Variants in LTF observed in about 807,000 individuals in gnomAD.
The protein encoded by LTF is epididymis luminal protein 110.
LTF carries 91 observed loss-of-function variants against 87.2 expected under a neutral mutation model. The ratio of observed to expected loss-of-function variants is 1.04; its 90% confidence interval spans 0.88 to 1.24. LTF has a LOEUF of 1.24. LTF is among the 50% of genes most tolerant of loss of function. LTF has a pLI of 0.00. For synonymous variants in LTF, 378 were observed against 356.1 expected (o/e 1.06, Z -0.69); for missense variants, 901 against 904.3 (o/e 1.00, Z 0.05).
At chr3:46,440,473 G>C (rs928818971) in intron 14 of LTF, among the ~76,000 whole-genome samples, 1 of 152,150 alleles carries the variant, frequency 6.6e-6, no homozygotes, top group Non-Finnish European at 1.5e-5. Context: ...TCAGTTAATG[G>C]CTTGTAAATT....
Position 46,456,375 on chromosome 3 carries a change from G to C in LTF, c.231C>G (p.Thr77=), listed in dbSNP as rs1181900368. The change falls in exon 3 of 17, where the codon ACC becomes ACG. Residue 77 remains threonine, a synonymous_variant. Coordinates refer to ENST00000231751, the MANE Select transcript of LTF (RefSeq NM_002343.6). The part of the protein sequence containing the change: ...AIAENRADAV[T]LDGGFIYEAG... ...CCTCGTATATGAAACCACCATCAAG[G>C]GTCACAGCATCGGCCCTGTTTTCCT... The C allele has an allele frequency of 1.9e-6, 3 of 1,614,138 alleles. No homozygotes were observed. Among genetic ancestry groups the C allele is most frequent in the Non-Finnish European group, 8.5e-7 (1 of 1,180,012 alleles).
At chr3:46,445,570 T>C in intron 11 of LTF, 134 bp from the exon 12 acceptor site, 1 of 699,962 alleles carries the variant, frequency 1.4e-6, no homozygotes, top group Non-Finnish European at 2.4e-6. Context: ...CTCAAAGAAC[T>C]GGCCTTTTTA....
upstream of LTF, among the ~76,000 whole-genome samples, chr3:46,466,107 G>T (rs189062491): frequency 2.0e-5 from 3 of 152,192 alleles, no homozygotes; most frequent in Admixed American, 6.5e-5. Flanking sequence ...CAGCATGGTG[G>T]TGTATGCCTA....
chr3:46,482,716 G>GAAAGAAAA (rs1553668644), intron 1 of LTF, among the ~76,000 whole-genome samples: 3 of 89,930 alleles, frequency 3.3e-5, no homozygotes, highest in South Asian at 8.4e-4. Context: ...AAGAAAGAAA[G>GAAAGAAAA]AGAAAGAAAG....
At chr3:46,455,756 C>T in intron 4 of LTF, 40 bp downstream of exon 4, 3 of 1,526,104 alleles carry the variant, frequency 2.0e-6, no homozygotes, top group Non-Finnish European at 2.6e-6. Flanking sequence ...GGAATAGAGC[C>T]CCCTGCCTGA....
intron 1 of LTF, among the ~76,000 whole-genome samples, chr3:46,460,899 T>A (rs550600165): frequency 1.7e-4 from 26 of 152,278 alleles, no homozygotes; most frequent in Non-Finnish European, 3.2e-4. Context: ...CAAAAATTGA[T>A]CATATTTTTG....
chr3:46,445,231 A>C (rs1321083381), intron 12 of LTF, 50 bp downstream of exon 12: 1 of 1,539,722 alleles, frequency 6.5e-7, no homozygotes, highest in Non-Finnish European at 8.8e-7. Flanking sequence ...ACAGCACAAT[A>C]TGCCTACCCT....
intron 1 of LTF, among the ~76,000 whole-genome samples, chr3:46,478,175 A>G (rs1703385719): frequency 3.3e-5 from 5 of 151,672 alleles, no homozygotes; most frequent in African/African-American, 4.9e-5. Flanking sequence ...TGTCTCTCTC[A>G]CCATCATGCC....
chr3:46,451,472 G>T (rs906691562), intron 6 of LTF, among the ~76,000 whole-genome samples: 1 of 152,100 alleles, frequency 6.6e-6, no homozygotes, highest in African/African-American at 2.4e-5. Context: ...GCATTTAATG[G>T]CAGAAAACCA....
chr3:46,449,823 C>T lies in LTF; in HGVS notation c.1057+31G>A, dbSNP rs375031745. 5.5e-5 allele frequency: 88 copies of T among 1,611,576 alleles called. 1 individual carries two copies. In the Middle Eastern group the frequency reaches 8.6e-4, roughly 16 times the overall value. On this transcript the variant is annotated intron_variant, in intron 8 of 16. Transcript: ENST00000231751. Reference sequence around the variant, plus strand: ...CTGGGAAGTAGAAGACCACACCAGGCGGACCTCAGGACCCTCCTGGGCTCA... The same window carrying T: ...CTGGGAAGTAGAAGACCACACCAGGTGGACCTCAGGACCCTCCTGGGCTCA...
chr3:46,441,971 GTGTGTGTGTGTGTGTGTA>G, intron 13 of LTF: 1 of 132,342 alleles, frequency 7.6e-6, no homozygotes, highest in African/African-American at 2.7e-5. Context: ...GTGTGTGTGT[GTGTGTGTGTGTGTGTGTA>G]TGCATGTTGT....
upstream of LTF, among the ~76,000 whole-genome samples, chr3:46,467,930 G>A (rs1284412633): frequency 2.6e-5 from 4 of 152,064 alleles, no homozygotes; most frequent in South Asian, 2.1e-4. Context: ...TCCTGAAGGC[G>A]CCTAAATTTA....
chr3:46,478,547 A>G (rs1362897803), intron 1 of LTF, among the ~76,000 whole-genome samples: 3 of 152,128 alleles, frequency 2.0e-5, no homozygotes, highest in Non-Finnish European at 4.4e-5. Flanking sequence ...ATCACTCCCC[A>G]TCTTCCTGGA....
chr3:46,447,668 G>A (rs1192282595), intron 9 of LTF, among the ~76,000 whole-genome samples: 1 of 152,188 alleles, frequency 6.6e-6, no homozygotes, highest in Non-Finnish European at 1.5e-5. Flanking sequence ...CCTTTTCTGT[G>A]TCCCTGGCAC....
chr3:46,449,646 G>C (rs529423257), intron 8 of LTF, among the ~76,000 whole-genome samples: 1 of 152,292 alleles, frequency 6.6e-6, no homozygotes, highest in Admixed American at 6.5e-5. Context: ...GCCAGGCCTG[G>C]GGAGCCTGAC....
Position 46,455,312 on chromosome 3 carries a change from G to A in LTF, c.630C>T (p.Ser210=), listed in dbSNP as rs1249321288. The A allele has an allele frequency of 6.2e-7, 1 of 1,614,250 alleles. No homozygotes were observed. Among genetic ancestry groups the A allele is most frequent in the South Asian group, 1.1e-5 (1 of 91,090 alleles). ...CAFSSQEPYF[S]YSGAFKCLRD... is the part of the protein sequence containing the mutation. ...TCACTCACTTGAAGGCACCAGAGTA[G>A]CTGAAGTACGGTTCCTGGGAGGAGA... Residue 210 remains serine, a synonymous_variant, in exon 5 of 17, where the codon AGC becomes AGT. Coordinates refer to ENST00000231751, the MANE Select transcript of LTF (RefSeq NM_002343.6).
intron 1 of LTF, 114 bp downstream of exon 1, chr3:46,464,711 C>CG (rs1703170571): frequency 8.6e-7 from 1 of 1,162,974 alleles, no homozygotes; most frequent in East Asian, 2.4e-5. Context: ...GCTGGGACCG[C>CG]GGGGCGCAGA....
At chr3:46,455,520 C>G in intron 4 of LTF, 78 bp from the exon 5 acceptor site, 1 of 1,562,434 alleles carries the variant, frequency 6.4e-7, no homozygotes, top group Non-Finnish European at 8.8e-7. Context: ...ATCCTGAGGT[C>G]TCCGTGGGCA....
At chr3:46,474,250 G>A (rs1369123975) in intron 1 of LTF, among the ~76,000 whole-genome samples, 2 of 152,032 alleles carry the variant, frequency 1.3e-5, no homozygotes, top group African/African-American at 2.4e-5. Context: ...TAGCATGAAA[G>A]TAAAATGATA....
Sources: gnomAD v4.1 joint callset for allele counts (sites outside exome capture counted in the v4.1 genomes callset) on GRCh38, gnomAD v4.1.1 for gene constraint, MANE v1.5 for transcripts, NCBI Gene and HGNC (gene_info 2026-07-23, HGNC 2026-07-21) for gene names.